The following C12orf42 variants were observed in gnomAD, a reference collection of about 807,000 sequenced individuals.
C12orf42 encodes chromosome 12 open reading frame 42, also known as uncharacterized protein C12orf42.
C12orf42 carries 25 observed loss-of-function variants against 21.6 expected under a neutral mutation model. The ratio of observed to expected loss-of-function variants is 1.16; its 90% CI spans 0.84 to 1.62. C12orf42 has a LOEUF of 1.62. Ranked by LOEUF, C12orf42 falls within the 40% of genes most tolerant of loss-of-function variation. The pLI is 0.00. For missense variants in C12orf42, 483 were observed against 459.3 expected, an observed-to-expected ratio of 1.05 and a Z score of -0.47; for synonymous variants, 174 against 175.0, an observed-to-expected ratio of 0.99 and a Z score of 0.05.
At chr12:103,471,294 A>G (rs1953583719) in intron 2 of C12orf42, among the ~76,000 whole-genome samples, 1 of 152,160 alleles carries the variant, frequency 6.6e-6, no homozygotes, top group African/African-American at 2.4e-5. Flanking sequence ...GGACCTAGAA[A>G]TGGATTTTCC....
At chr12:103,322,147 A>G (rs1404708457) in intron 4 of C12orf42, among the ~76,000 whole-genome samples, 1 of 149,592 alleles carries the variant, frequency 6.7e-6, no homozygotes, top group African/African-American at 2.5e-5. Context: ...ACACACACAC[A>G]CACGCACACG....
intron 4 of C12orf42, among the ~76,000 whole-genome samples, chr12:103,326,309 T>C (rs2040694272): frequency 1.3e-5 from 2 of 152,148 alleles, no homozygotes; most frequent in African/African-American, 2.4e-5. Context: ...AGCCAGGACT[T>C]CTGCAATAAC....
chr12:103,506,670 C>T, the C12orf42 span, among the ~76,000 whole-genome samples: 1,861 of 148,458 alleles, frequency 0.013, 26 homozygotes, highest in African/African-American at 0.019. Flanking sequence ...TGCTTAACTT[C>T]GCATTTCTCA....
At chr12:103,559,164 C>T in the C12orf42 span, 1 of 152,210 alleles carries the variant, frequency 6.6e-6, no homozygotes, top group African/African-American at 2.4e-5. Flanking sequence ...TGGTGAATGC[C>T]TGCTCTTGCT....
At chr12:103,512,639 G>A in the C12orf42 span, among the ~76,000 whole-genome samples, 29 of 152,292 alleles carry the variant, frequency 1.9e-4, no homozygotes, top group Non-Finnish European at 1.0e-4. Flanking sequence ...CCCATATGGT[G>A]TGCCCTTCAA....
At chr12:103,435,319 C>G (rs1332353134) in intron 2 of C12orf42, among the ~76,000 whole-genome samples, 1 of 152,152 alleles carries the variant, frequency 6.6e-6, no homozygotes, top group Non-Finnish European at 1.5e-5. Flanking sequence ...AACAGAAAAA[C>G]CGGAAATTCT....
intron 4 of C12orf42, among the ~76,000 whole-genome samples, chr12:103,291,241 T>C (rs988526929): frequency 6.6e-6 from 1 of 152,202 alleles, no homozygotes; most frequent in African/African-American, 2.4e-5. Flanking sequence ...AGCTCTGCCT[T>C]GAACAGACTG....
the C12orf42 span, among the ~76,000 whole-genome samples, chr12:103,075,794 G>A: frequency 2.0e-5 from 3 of 152,146 alleles, no homozygotes; most frequent in Non-Finnish European, 4.4e-5. Context: ...GTGTTTATGG[G>A]AGAGGAATAA....
chr12:103,348,320 G>T (rs78123328), intron 4 of C12orf42, among the ~76,000 whole-genome samples: 1 of 152,066 alleles, frequency 6.6e-6, no homozygotes, highest in Admixed American at 6.6e-5. Context: ...CGTGAGTACC[G>T]GAAAACAAGA....
chr12:103,124,998 A>AG, the C12orf42 span, among the ~76,000 whole-genome samples: 3 of 152,202 alleles, frequency 2.0e-5, no homozygotes, highest in East Asian at 5.8e-4. Flanking sequence ...TAACAGATAT[A>AG]GACTGATATT....
chr12:103,286,408 T>G (rs938815810), intron 4 of C12orf42, among the ~76,000 whole-genome samples: 1 of 151,600 alleles, frequency 6.6e-6, no homozygotes, highest in Admixed American at 6.6e-5. Context: ...GGCCTCAACT[T>G]AGCTATTTCT....
chr12:103,302,675 G>T, intron 5 of C12orf42, 116 bp from the exon 6 acceptor site: 1 of 714,660 alleles, frequency 1.4e-6, no homozygotes, highest in Non-Finnish European at 2.0e-6. Context: ...TGCTCAGAGG[G>T]GAAAGAAAAA....
At chr12:103,304,640 C>T (rs1428272172) in intron 5 of C12orf42, among the ~76,000 whole-genome samples, 1 of 152,184 alleles carries the variant, frequency 6.6e-6, no homozygotes, top group Non-Finnish European at 1.5e-5. Flanking sequence ...AGGAAAATAA[C>T]AGTTTCTATC....
intron 4 of C12orf42, among the ~76,000 whole-genome samples, chr12:103,314,951 A>G (rs2039317490): frequency 6.6e-6 from 1 of 152,154 alleles, no homozygotes; most frequent in African/African-American, 2.4e-5. Flanking sequence ...TTACAACTAA[A>G]TATGTTGCAA....
chr12:103,367,944 A>G (rs1169027807), intron 4 of C12orf42: 3 of 682,820 alleles, frequency 4.4e-6, no homozygotes, highest in Non-Finnish European at 6.4e-6. Context: ...TTATTAGCAT[A>G]TAAATATAAG....
the C12orf42 span, among the ~76,000 whole-genome samples, chr12:103,188,747 C>T: frequency 1.3e-5 from 2 of 152,214 alleles, no homozygotes; most frequent in African/African-American, 4.8e-5. Flanking sequence ...CTTCCTTTGC[C>T]TTCTGCCATG....
chr12:103,499,112 G>T (rs1365055297), upstream of C12orf42, among the ~76,000 whole-genome samples: 1 of 152,182 alleles, frequency 6.6e-6, no homozygotes, highest in Non-Finnish European at 1.5e-5. Context: ...AGGATGGGGA[G>T]TAAGGGAAAT....
the C12orf42 span, among the ~76,000 whole-genome samples, chr12:103,093,690 T>C: frequency 2.6e-5 from 4 of 152,294 alleles, no homozygotes; most frequent in East Asian, 1.9e-4. Context: ...ACCAAGCCCA[T>C]GAACCGCAGG....
chr12:103,121,442 C>G, the C12orf42 span, among the ~76,000 whole-genome samples: 6 of 152,268 alleles, frequency 3.9e-5, no homozygotes, highest in East Asian at 1.2e-3. Flanking sequence ...AAGGTTGTTT[C>G]AGTGGAGTTT....
Sources: gnomAD v4.1 joint callset for allele counts (sites outside exome capture counted in the v4.1 genomes callset) on GRCh38, gnomAD v4.1.1 for gene constraint, MANE v1.5 for transcripts, NCBI Gene and HGNC (gene_info 2026-07-23, HGNC 2026-07-21) for gene names.